Variants in LUZP2 observed in about 807,000 individuals in gnomAD.
LUZP2 encodes the protein leucine zipper protein 2.
In LUZP2, 52 loss-of-function variants were observed where a neutral mutation model predicts 51.6. That is an observed-to-expected ratio of 1.01 (90% CI 0.81 to 1.27). LUZP2 has a LOEUF of 1.27. LUZP2 is among the 50% of genes most tolerant of loss of function. The pLI is 0.00. For missense variants in LUZP2, 436 were observed against 395.4 expected (o/e 1.10, Z -0.87); for synonymous variants, 154 against 137.3 (o/e 1.12, Z -0.85).
intron 5 of LUZP2, among the ~76,000 whole-genome samples, chr11:24,840,653 A>G (rs528564230): frequency 1.8e-4 from 27 of 152,066 alleles, no homozygotes; most frequent in African/African-American, 6.3e-4. Context: ...CTTAGGAATT[A>G]TTTTTTAAGA....
At chr11:24,939,221 AAGTGCACTCGTACTTG>A (rs1218438643) in intron 7 of LUZP2, among the ~76,000 whole-genome samples, 16 of 152,186 alleles carry the variant, frequency 1.1e-4, no homozygotes, top group Non-Finnish European at 1.8e-4. Flanking sequence ...ACTTCTAAAA[AAGTGCACTCGTACTTG>A]TTTAACTTTT....
At chr11:24,867,191 C>T (rs1342413398) in intron 5 of LUZP2, among the ~76,000 whole-genome samples, 2 of 152,046 alleles carry the variant, frequency 1.3e-5, no homozygotes, top group Non-Finnish European at 2.9e-5. Context: ...TTTTATGATC[C>T]CAGAGTAACT....
intron 9 of LUZP2, among the ~76,000 whole-genome samples, chr11:24,984,592 AC>A (rs1856140287): frequency 7.0e-6 from 1 of 142,234 alleles, no homozygotes; most frequent in Non-Finnish European, 1.5e-5. Context: ...AGGGAGGAGT[AC>A]AAAATTGCAA....
chr11:24,806,666 G>C (rs1018612403), intron 5 of LUZP2, among the ~76,000 whole-genome samples: 5 of 152,264 alleles, frequency 3.3e-5, no homozygotes, highest in East Asian at 1.9e-4. Flanking sequence ...CAAATAGGTA[G>C]TTCCCAGTTA....
chr11:25,020,347 G>A (rs1392679257), intron 9 of LUZP2, among the ~76,000 whole-genome samples: 1 of 152,034 alleles, frequency 6.6e-6, no homozygotes, highest in Non-Finnish European at 1.5e-5. Flanking sequence ...AATAAATTGT[G>A]ATAATTAATC....
At chr11:24,777,272 C>G (rs531696058) in intron 5 of LUZP2, among the ~76,000 whole-genome samples, 2 of 152,144 alleles carry the variant, frequency 1.3e-5, no homozygotes, top group South Asian at 2.1e-4. Flanking sequence ...GAATTACAGG[C>G]TTGAGCCACC....
intron 5 of LUZP2, among the ~76,000 whole-genome samples, chr11:24,860,495 A>T (rs1456377126): frequency 2.6e-5 from 4 of 152,066 alleles, no homozygotes; most frequent in African/African-American, 9.6e-5. Flanking sequence ...ACTATGTGAG[A>T]CCCTCCAACA....
intron 9 of LUZP2, 135 bp downstream of exon 9, chr11:24,983,428 G>A: frequency 2.3e-6 from 2 of 873,492 alleles, no homozygotes; most frequent in East Asian, 2.7e-5. Context: ...AAAATGGAAG[G>A]TAGTAACCCA....
At chr11:24,897,876 C>T (rs914850616) in intron 5 of LUZP2, among the ~76,000 whole-genome samples, 4 of 151,998 alleles carry the variant, frequency 2.6e-5, no homozygotes, top group Non-Finnish European at 5.9e-5. Context: ...TCATCTTTGT[C>T]CTCTTCCTTT....
chr11:25,067,408 C>T (rs757260118), intron 10 of LUZP2, among the ~76,000 whole-genome samples: 19 of 151,982 alleles, frequency 1.3e-4, no homozygotes, highest in African/African-American at 3.1e-4. Flanking sequence ...TCAATTTTGG[C>T]TTTTGTTGTC....
chr11:24,519,775 A>G (rs1263016148), intron 1 of LUZP2, among the ~76,000 whole-genome samples: 1 of 152,214 alleles, frequency 6.6e-6, no homozygotes, highest in African/African-American at 2.4e-5. Context: ...CATTCTAATG[A>G]TAATATGCAT....
chr11:24,931,535 T>G (rs1730165882), intron 7 of LUZP2, among the ~76,000 whole-genome samples: 1 of 152,190 alleles, frequency 6.6e-6, no homozygotes, highest in African/African-American at 2.4e-5. Context: ...TAGTGTCTTT[T>G]GCATTTCTCT....
intron 1 of LUZP2, among the ~76,000 whole-genome samples, chr11:24,708,452 T>C (rs1207288497): frequency 6.6e-6 from 1 of 152,166 alleles, no homozygotes; most frequent in African/African-American, 2.4e-5. Context: ...CAAATGCCTC[T>C]TGTATATCAT....
chr11:24,698,718 G>T (rs536009853), intron 1 of LUZP2, among the ~76,000 whole-genome samples: 2 of 152,204 alleles, frequency 1.3e-5, no homozygotes, highest in East Asian at 3.9e-4. Context: ...ACTTGATGCA[G>T]TTTTCTGCAG....
rs113921729 is a variant in LUZP2 at position 24,964,977 on chromosome 11, A to G, written c.523-11614A>G. On this transcript the variant is annotated intron_variant, in intron 7 of 11. Coordinates refer to ENST00000336930, the MANE Select transcript of LUZP2 (RefSeq NM_001009909.4). ...GTTTCAGACATTTTCAGAAAGTACA[A>G]TTTCTAGATGTGTAGTTCAGAGTCT... Among the ~76,000 whole-genome samples the G allele has an allele frequency of 2.0e-3, 299 of 151,826 alleles. 3 individuals carry two copies. The highest frequency in any genetic ancestry group is 3.3e-3 in the Non-Finnish European group (225 of 67,800).
chr11:25,061,893 A>G (rs1257775145), intron 10 of LUZP2, among the ~76,000 whole-genome samples: 1 of 152,104 alleles, frequency 6.6e-6, no homozygotes, highest in Non-Finnish European at 1.5e-5. Context: ...TGAGTTTGAA[A>G]TTGATATGGA....
chr11:24,865,571 C>G (rs1475866916), intron 5 of LUZP2, among the ~76,000 whole-genome samples: 1 of 152,108 alleles, frequency 6.6e-6, no homozygotes, highest in Non-Finnish European at 1.5e-5. Flanking sequence ...ATGGGATTAC[C>G]AAAGTCAGCT....
At chr11:24,914,219 G>C (rs970570279) in intron 6 of LUZP2, among the ~76,000 whole-genome samples, 1 of 152,108 alleles carries the variant, frequency 6.6e-6, no homozygotes, top group Non-Finnish European at 1.5e-5. Context: ...GTTTAGTTGT[G>C]GATTGGAGGA....
At chr11:24,964,694 A>C (rs1855530672) in intron 7 of LUZP2, among the ~76,000 whole-genome samples, 1 of 152,108 alleles carries the variant, frequency 6.6e-6, no homozygotes, top group Non-Finnish European at 1.5e-5. Flanking sequence ...AGACAAAGGC[A>C]AAATGGATTA....
Sources: gnomAD v4.1 joint callset for allele counts (sites outside exome capture counted in the v4.1 genomes callset) on GRCh38, gnomAD v4.1.1 for gene constraint, MANE v1.5 for transcripts, NCBI Gene and HGNC (gene_info 2026-07-23, HGNC 2026-07-21) for gene names.